Variants in TMBIM6 observed in about 807,000 individuals in gnomAD.
The protein encoded by TMBIM6 is transmembrane BAX inhibitor motif containing 6.
TMBIM6 carries 13 observed loss-of-function variants against 31.4 expected under a neutral mutation model. That is an observed-to-expected ratio of 0.41 (90% CI 0.27 to 0.66). The LOEUF (loss-of-function observed/expected upper bound fraction) is 0.66, where lower values mean the gene tolerates loss of function less well. Ranked by LOEUF, TMBIM6 falls within the 30% of genes least tolerant of loss-of-function variation. The probability of loss-of-function intolerance (pLI) is 0.28; values close to 1 mark genes in which losing one functional copy is unlikely to be tolerated. For synonymous variants in TMBIM6, 85 were observed against 101.7 expected (o/e 0.84, Z 0.99); for missense variants, 275 against 289.5 (o/e 0.95, Z 0.36).
chr12:49,756,292 T>C (rs1420710184), intron 4 of TMBIM6, among the ~76,000 whole-genome samples: 11 of 149,398 alleles, frequency 7.4e-5, no homozygotes, highest in African/African-American at 2.7e-4. Context: ...TGTGCCACCA[T>C]GCCCGGCTAA....
intron 1 of TMBIM6, among the ~76,000 whole-genome samples, chr12:49,746,120 T>C (rs1945388730): frequency 6.6e-6 from 1 of 151,410 alleles, no homozygotes; most frequent in Non-Finnish European, 1.5e-5. Flanking sequence ...TCTCACTCTG[T>C]CGCCCAGGCT....
chr12:49,753,085 A>G lies in TMBIM6; in HGVS notation c.165+4A>G. The G allele has an allele frequency of 1.2e-6, 2 of 1,611,580 alleles. No individual in the cohort carries two copies. The highest frequency in any genetic ancestry group is 1.3e-5 in the African/African-American group (1 of 74,910). ...TATGGTCACTCATTTCATTCAGGTA[A>G]GAACGATTTTCTCTCCTGGTTGCTG... On this transcript the variant is annotated splice_donor_region_variant and intron_variant, in intron 3 of 9. Coordinates refer to ENST00000267115, the MANE Select transcript of TMBIM6 (RefSeq NM_003217.3).
At chr12:49,756,803 C>G (rs1945606859) in intron 4 of TMBIM6, among the ~76,000 whole-genome samples, 1 of 151,516 alleles carries the variant, frequency 6.6e-6, no homozygotes, top group African/African-American at 2.4e-5. Flanking sequence ...GTGGCACGAT[C>G]TTGGCTCACT....
intron 1 of TMBIM6, among the ~76,000 whole-genome samples, chr12:49,749,053 C>CGA (rs1945446684): frequency 6.6e-6 from 1 of 152,152 alleles, no homozygotes; most frequent in Non-Finnish European, 1.5e-5. Flanking sequence ...TTAAGTGCAA[C>CGA]TTAATCTTGT....
chr12:49,747,482 A>G (rs545631849), intron 1 of TMBIM6, among the ~76,000 whole-genome samples: 8 of 150,494 alleles, frequency 5.3e-5, no homozygotes, highest in Non-Finnish European at 1.2e-4. Flanking sequence ...CTAATTTTTT[A>G]ATTGTTTGCA....
intron 7 of TMBIM6, 140 bp downstream of exon 7, chr12:49,758,902 C>A: frequency 1.3e-6 from 1 of 756,520 alleles, no homozygotes; most frequent in Non-Finnish European, 2.1e-6. Context: ...TAGGATGGAG[C>A]CTTCTGCCAC....
In TMBIM6 at chr12:49,758,391, C is replaced by T; in HGVS notation, c.344C>T (p.Pro115Leu). Reference sequence around the variant, plus strand: ...GTCTTTTTTTCTAACAGCATCCTTCCCACTGCTTTCATGGGCACGGCAATG... The same window carrying T: ...GTCTTTTTTTCTAACAGCATCCTTCTCACTGCTTTCATGGGCACGGCAATG... Reference protein sequence around the residue: ...FCIAVNPSILPTAFMGTAMIF... With the variant: ...FCIAVNPSILLTAFMGTAMIF... Residue 115 changes from proline (P) to leucine (L), a missense_variant, in exon 6 of 10, where the codon CCC (proline) becomes CTC (leucine). Coordinates refer to ENST00000267115, the MANE Select transcript of TMBIM6 (RefSeq NM_003217.3). The T allele has an allele frequency of 1.9e-6, 3 of 1,614,132 alleles. No individual in the cohort carries two copies. The highest frequency in any genetic ancestry group is 2.5e-6 in the Non-Finnish European group (3 of 1,180,026).
Position 49,758,767 on chromosome 12 carries a change from G to A in TMBIM6, c.513+5G>A. On this transcript the variant is annotated splice_donor_5th_base_variant and intron_variant, in intron 7 of 9. Transcript: ENST00000267115. ...GGATCCATTTGGCTTTTCCAGGTAA[G>A]ACTTAGCCTGGAACTTTCCAGCAGC... is the stretch of plus-strand genomic sequence containing the variant. 6.2e-7 allele frequency: 1 copy of A among 1,611,196 alleles called. No individual in the cohort carries two copies. The highest frequency in any genetic ancestry group is 8.5e-7 in the Non-Finnish European group (1 of 1,178,840).
chr12:49,761,901 G>A (rs1945726945), intron 9 of TMBIM6, 122 bp downstream of exon 9: 1 of 910,880 alleles, frequency 1.1e-6, no homozygotes, highest in South Asian at 1.8e-5. Flanking sequence ...TGTAAGGCAG[G>A]CCACTGAGTA....
intron 9 of TMBIM6, among the ~76,000 whole-genome samples, chr12:49,762,560 C>T (rs905128952): frequency 2.0e-5 from 3 of 152,188 alleles, no homozygotes; most frequent in African/African-American, 7.2e-5. Flanking sequence ...GTGCCATCTG[C>T]AGCCTTCACT....
At position 49,755,768 on chromosome 12, in the gene TMBIM6, A is replaced by G. The variant is rs970095441; in HGVS notation, c.286+13A>G. The G allele has an allele frequency of 3.7e-6, 6 of 1,603,766 alleles. No individual in the cohort carries two copies. In the African/African-American group the frequency reaches 8.1e-5, roughly 22 times the overall value. Reference sequence around the variant, plus strand: ...GCATTCCTTACAGGTACGTTAAGGGATTTGTCTAATTTTGAGGGGTGAGCT... The same window carrying G: ...GCATTCCTTACAGGTACGTTAAGGGGTTTGTCTAATTTTGAGGGGTGAGCT... On this transcript the variant is annotated intron_variant, in intron 4 of 9. Coordinates refer to ENST00000267115, the MANE Select transcript of TMBIM6 (RefSeq NM_003217.3).
intron 4 of TMBIM6, among the ~76,000 whole-genome samples, chr12:49,756,080 G>A (rs553019068): frequency 1.1e-4 from 17 of 151,694 alleles, no homozygotes; most frequent in East Asian, 1.9e-4. Flanking sequence ...TGATCCGCCC[G>A]TCTCGGCCTC....
intron 2 of TMBIM6, 61 bp from the exon 3 acceptor site, chr12:49,752,912 T>C: frequency 6.8e-7 from 1 of 1,461,160 alleles, no homozygotes; most frequent in South Asian, 1.2e-5. Flanking sequence ...AAATGATTCT[T>C]CTTAGCTTAA....
At chr12:49,746,020 T>C (rs1481657552) in intron 1 of TMBIM6, among the ~76,000 whole-genome samples, 5 of 152,096 alleles carry the variant, frequency 3.3e-5, no homozygotes, top group African/African-American at 4.8e-5. Context: ...ATCTATACTT[T>C]TACCAGTAAT....
chr12:49,744,939 C>T (rs1008133843), intron 1 of TMBIM6, among the ~76,000 whole-genome samples: 2 of 152,122 alleles, frequency 1.3e-5, no homozygotes, highest in African/African-American at 2.4e-5. Flanking sequence ...GTAGTGTCAA[C>T]GTTTGGTACA....
chr12:49,756,165 C>T (rs11836837), intron 4 of TMBIM6, among the ~76,000 whole-genome samples: 14,549 of 150,332 alleles, frequency 0.097, 910 homozygotes, highest in African/African-American at 0.18. Context: ...ACAGTGTCTC[C>T]GTCTGTCACC....
At chr12:49,761,918 A>G in intron 9 of TMBIM6, 139 bp downstream of exon 9, 1 of 745,696 alleles carries the variant, frequency 1.3e-6, no homozygotes, top group Non-Finnish European at 2.1e-6. Context: ...AGTAAGAGGT[A>G]AGCCAGAAGT....
intron 1 of TMBIM6, among the ~76,000 whole-genome samples, chr12:49,748,825 AT>A (rs369835173): frequency 6.0e-4 from 91 of 152,298 alleles, no homozygotes; most frequent in African/African-American, 2.0e-3. Flanking sequence ...GCTGTATTGA[AT>A]TTTTTAGCAG....
rs570462555 is a variant in TMBIM6, at chr12:49,763,060, T to G, written c.*164T>G. ...TGAATTTTTTGATCAAAAAACTGATTAGCAGAATATAGTTTGGAGTTTGGC... is the reference window on the plus strand; with the variant it reads ...TGAATTTTTTGATCAAAAAACTGATGAGCAGAATATAGTTTGGAGTTTGGC... On this transcript the variant is annotated 3_prime_UTR_variant, in exon 10 of 10. Transcript: ENST00000267115. The G allele has an allele frequency of 2.9e-5, 21 of 726,998 alleles. No individual in the cohort carries two copies. Among genetic ancestry groups the G allele is most frequent in the African/African-American group, 7.0e-5 (4 of 57,116 alleles). 45.0% of individuals were successfully genotyped at this position (726,998 alleles called of 1,614,324 possible).
Sources: gnomAD v4.1 joint callset for allele counts (sites outside exome capture counted in the v4.1 genomes callset) on GRCh38, gnomAD v4.1.1 for gene constraint, MANE v1.5 for transcripts, NCBI Gene and HGNC (gene_info 2026-07-23, HGNC 2026-07-21) for gene names.